Variants in HFM1 observed in about 807,000 individuals in gnomAD.
HFM1 encodes probable ATP-dependent DNA helicase HFM1.
A neutral mutation model predicts 192.1 loss-of-function variants in HFM1; 169 were observed. That is an observed-to-expected ratio of 0.88 (90% CI 0.78 to 1.00). The LOEUF is 1.00. Ranked by LOEUF, HFM1 falls within the 50% of genes least tolerant of loss-of-function variation. HFM1 has a pLI of 0.00. For missense variants in HFM1, 1,661 were observed against 1,668.0 expected, an observed-to-expected ratio of 1.00 and a Z score of 0.07; for synonymous variants, 525 against 537.8, an observed-to-expected ratio of 0.98 and a Z score of 0.33.
In HFM1 at chr1:91,352,671, A is replaced by G. The variant is rs765126222; in HGVS notation, c.1832-20T>C. On this transcript the variant is annotated intron_variant, in intron 15 of 38. Coordinates refer to ENST00000370425, the MANE Select transcript of HFM1 (RefSeq NM_001017975.6). ...TAGTAACTGCATCAGATTAAGACAT[A>G]GTAATTTTGAGCCATTTAACTTTGT... is the stretch of plus-strand genomic sequence containing the variant. 1 of 1,547,340 alleles carries G rather than the reference A, an allele frequency of 6.5e-7. No individual in the cohort carries two copies. Among genetic ancestry groups the G allele is most frequent in the Non-Finnish European group, 8.7e-7 (1 of 1,150,458 alleles).
chr1:91,266,110 A>G lies in HFM1; in HGVS notation c.3884-3T>C. On this transcript the variant is annotated splice_polypyrimidine_tract_variant and splice_region_variant and intron_variant, in intron 35 of 38. Transcript: ENST00000370425. ...TGAACTCAAAGTGTTTCCAAATCCT[A>G]TGTGAAGAGATAACATTTTGAAACA... The G allele has an allele frequency of 6.3e-7, 1 of 1,588,136 alleles. No homozygotes were observed. Among genetic ancestry groups the G allele is most frequent in the Non-Finnish European group, 8.5e-7 (1 of 1,172,002 alleles).
In HFM1 at chr1:91,266,162, C is replaced by CT. The variant is rs1665752219; in HGVS notation, c.3884-56dup. On this transcript the variant is annotated intron_variant, in intron 35 of 38. Coordinates refer to ENST00000370425, the MANE Select transcript of HFM1 (RefSeq NM_001017975.6). ...AATGCCAAGAAACAGCTGAATGAAG[C>CT]TTTTCACAAGTTCTACAACGTTCTC... 25 of 1,414,620 alleles carry CT rather than the reference C, an allele frequency of 1.8e-5. No homozygotes were observed. In the South Asian group the frequency reaches 2.9e-4, roughly 16 times the overall value. 87.6% of individuals were successfully genotyped at this position (1,414,620 alleles called of 1,614,324 possible). A position where few individuals can be genotyped will look rare whatever the true frequency, so the allele number is the denominator to read the frequency against.
At chr1:91,290,912 C>T (rs1668667621) in intron 30 of HFM1, among the ~76,000 whole-genome samples, 1 of 152,286 alleles carries the variant, frequency 6.6e-6, no homozygotes, top group Non-Finnish European at 1.5e-5. Context: ...CAGAACCGCT[C>T]AACTACATGG....
At chr1:91,312,313 A>T (rs1200661205) in intron 30 of HFM1, among the ~76,000 whole-genome samples, 2 of 152,044 alleles carry the variant, frequency 1.3e-5, no homozygotes, top group African/African-American at 2.4e-5. Flanking sequence ...GACACTCAAC[A>T]CCAACCCATG....
chr1:91,268,033 A>C (rs1462965415), intron 34 of HFM1, among the ~76,000 whole-genome samples, 178 bp from the exon 35 acceptor site: 1 of 152,104 alleles, frequency 6.6e-6, no homozygotes, highest in African/African-American at 2.4e-5. Context: ...TTTAAACCAC[A>C]AGCATCGTAG....
At chr1:91,290,040 C>T (rs1364563011) in intron 30 of HFM1, among the ~76,000 whole-genome samples, 1 of 152,036 alleles carries the variant, frequency 6.6e-6, no homozygotes, top group Admixed American at 6.6e-5. Context: ...AAAAGAGCTC[C>T]TGAAGGAAGT....
intron 10 of HFM1, 64 bp from the exon 11 acceptor site, chr1:91,378,247 A>G: frequency 2.3e-6 from 3 of 1,281,806 alleles, no homozygotes; most frequent in Non-Finnish European, 3.2e-6. Context: ...ATCAATTAAA[A>G]TATTCAATAA....
At chr1:91,294,711 T>G (rs1050510568) in intron 30 of HFM1, among the ~76,000 whole-genome samples, 4 of 152,228 alleles carry the variant, frequency 2.6e-5, no homozygotes, top group Non-Finnish European at 5.9e-5. Context: ...AGAATTGTAT[T>G]GGGTCAATAT....
chr1:91,310,851 T>G (rs1207539114), intron 30 of HFM1, among the ~76,000 whole-genome samples: 1 of 152,342 alleles, frequency 6.6e-6, no homozygotes, highest in East Asian at 1.9e-4. Context: ...TTAAACCTCT[T>G]TTCCTTCCCA....
chr1:91,333,991 G>A (rs1011641542), intron 20 of HFM1, among the ~76,000 whole-genome samples: 1 of 152,050 alleles, frequency 6.6e-6, no homozygotes, highest in Non-Finnish European at 1.5e-5. Flanking sequence ...AGTGTAGAGT[G>A]GCCTACTACA....
At chr1:91,277,719 A>ATACTTTAT (rs1667015318) in intron 30 of HFM1, among the ~76,000 whole-genome samples, 1 of 126,296 alleles carries the variant, frequency 7.9e-6, no homozygotes, top group African/African-American at 3.1e-5. Context: ...TACTTTATAT[A>ATACTTTAT]ATATATACTA....
At chr1:91,360,901 C>A (rs1325099085) in intron 13 of HFM1, among the ~76,000 whole-genome samples, 1 of 152,154 alleles carries the variant, frequency 6.6e-6, no homozygotes, top group Admixed American at 6.5e-5. Context: ...ACACTCAAAA[C>A]CACACAACTA....
chr1:91,289,857 G>A (rs1196775672), intron 30 of HFM1, among the ~76,000 whole-genome samples: 2 of 152,118 alleles, frequency 1.3e-5, no homozygotes, highest in Non-Finnish European at 2.9e-5. Flanking sequence ...GTGCAAAGAG[G>A]GAGAGGGAGA....
In HFM1 at chr1:91,396,364, G is replaced by C. The variant is rs1663654722; in HGVS notation, c.113C>G (p.Pro38Arg). The change falls in exon 3 of 39, where the codon CCT (proline) becomes CGT (arginine). Residue 38 changes from proline (P) to arginine (R), a missense_variant. Pro to Arg is a moderately radical substitution (Grantham distance 103, BLOSUM62 -2). Transcript: ENST00000370425. ...NEKSLDWFLPPAPLISEIPDT... is the reference protein window; with the variant it reads ...NEKSLDWFLPRAPLISEIPDT... ...TGGAATTTCTGAAATCAATGGAGCA[G>C]GAGGGAGAAACCAATCCAATGACTT... 6.2e-7 allele frequency: 1 copy of C among 1,604,404 alleles called. No homozygotes were observed. Among genetic ancestry groups the C allele is most frequent in the African/African-American group, 1.3e-5 (1 of 74,742 alleles).
In HFM1 at chr1:91,313,455, T is replaced by G; in HGVS notation, c.3285A>C (p.Leu1095Phe). 1 of 1,600,150 alleles carries G rather than the reference T, an allele frequency of 6.2e-7. No individual in the cohort carries two copies. The highest frequency in any genetic ancestry group is 8.5e-7 in the Non-Finnish European group (1 of 1,172,382). The change falls in exon 30 of 39, where the codon TTA becomes TTC. Residue 1095 changes from leucine (L) to phenylalanine (F), a missense_variant. By Grantham distance (22) the Leu-to-Phe change is conservative (BLOSUM62 0). Coordinates refer to ENST00000370425, the MANE Select transcript of HFM1 (RefSeq NM_001017975.6). ...DIQQKLTVFY[L>F]EPKRFGNQIT... ...TTTGATTTCCAAACCTCTTGGGTTC[T>G]AAGTAAAAGACTGTAAGTTTCTGCT... is the stretch of plus-strand genomic sequence containing the variant.
At chr1:91,344,388 T>G (rs1470803176) in intron 19 of HFM1, among the ~76,000 whole-genome samples, 1 of 152,244 alleles carries the variant, frequency 6.6e-6, no homozygotes, top group African/African-American at 2.4e-5. Flanking sequence ...AAGCGTTTGG[T>G]TAAGTAAAGA....
chr1:91,299,464 A>C (rs1362873105), intron 30 of HFM1, among the ~76,000 whole-genome samples: 1 of 152,304 alleles, frequency 6.6e-6, no homozygotes, highest in South Asian at 2.1e-4. Context: ...TCTCCACCCC[A>C]AATCAACAGA....
Position 91,323,117 on chromosome 1 carries a change from T to C in HFM1, c.2510A>G (p.Lys837Arg), listed in dbSNP as rs772603368. The C allele has an allele frequency of 5.1e-6, 8 of 1,575,828 alleles. No homozygotes were observed. Among genetic ancestry groups the C allele is most frequent in the Middle Eastern group, 1.7e-4 (1 of 5,958 alleles). The change falls in exon 22 of 39, where the codon AAA becomes AGA. Residue 837 changes from lysine to arginine, a missense_variant. Coordinates refer to ENST00000370425, the MANE Select transcript of HFM1 (RefSeq NM_001017975.6). ...CCTGATAGTTATCCGATTTGGATCT[T>C]TGTTCAAAGTATTCAGTGTTTTCTT... Reference protein sequence around the residue: ...NEKKTLNTLNKDPNRITIRFP... With the variant: ...NEKKTLNTLNRDPNRITIRFP...
chr1:91,303,592 T>A (rs938687486), intron 30 of HFM1, among the ~76,000 whole-genome samples: 1 of 152,220 alleles, frequency 6.6e-6, no homozygotes, highest in African/African-American at 2.4e-5. Context: ...TACCAACTGT[T>A]TTTCAAAGCA....
Sources: allele counts gnomAD v4.1 joint callset (sites outside exome capture counted in the v4.1 genomes callset), GRCh38; gene constraint gnomAD v4.1.1; transcripts MANE v1.5; gene names NCBI Gene and HGNC (gene_info 2026-07-23, HGNC 2026-07-21).